CFDP1: variants seen among roughly 807,000 people sequenced by gnomAD.
CFDP1 encodes the protein heterochromatin-stabilizing protein CFDP1.
A neutral mutation model predicts 40.1 loss-of-function variants in CFDP1; 31 were observed. The observed-to-expected ratio is 0.77, with a 90% CI of 0.58 to 1.04. The LOEUF (loss-of-function observed/expected upper bound fraction) is 1.04, where lower values mean the gene tolerates loss of function less well. CFDP1 is among the 50% of genes least tolerant of loss of function. The probability of loss-of-function intolerance (pLI) is 0.00; values close to 1 mark genes in which losing one functional copy is unlikely to be tolerated. For missense variants in CFDP1, 423 were observed against 343.4 expected, an observed-to-expected ratio of 1.23 and a Z score of -1.83; for synonymous variants, 167 against 120.0, an observed-to-expected ratio of 1.39 and a Z score of -2.56.
At chr16:75,399,300 G>C (rs2079027829) in intron 4 of CFDP1, among the ~76,000 whole-genome samples, 1 of 152,094 alleles carries the variant, frequency 6.6e-6, no homozygotes, top group East Asian at 1.9e-4. Context: ...CTTAATGCAG[G>C]GTTCTGGAGT....
intron 1 of CFDP1, among the ~76,000 whole-genome samples, chr16:75,427,036 C>T (rs1453627462): frequency 1.5e-5 from 2 of 132,312 alleles, no homozygotes; most frequent in Admixed American, 8.3e-5. Flanking sequence ...GCCTGGGGGA[C>T]AGCGAGACTG....
At chr16:75,429,842 T>C (rs1234386459) in intron 1 of CFDP1, among the ~76,000 whole-genome samples, 1 of 152,206 alleles carries the variant, frequency 6.6e-6, no homozygotes, top group Admixed American at 6.5e-5. Flanking sequence ...AGTCAAACTC[T>C]TGTCAAGTAT....
At chr16:75,374,419 A>T (rs74675463) in intron 5 of CFDP1, among the ~76,000 whole-genome samples, 2,352 of 152,300 alleles carry the variant, frequency 0.015, 58 homozygotes, top group African/African-American at 0.053. Context: ...TTATATAAAT[A>T]AAAAACACTT....
intron 1 of CFDP1, among the ~76,000 whole-genome samples, chr16:75,417,013 AT>A (rs1385012959): frequency 6.6e-6 from 1 of 152,156 alleles, no homozygotes; most frequent in African/African-American, 2.4e-5. Context: ...TCTAAAAAAA[AT>A]TTTTAAACAT....
chr16:75,365,489 T>C (rs79420811), intron 5 of CFDP1, among the ~76,000 whole-genome samples: 2,065 of 152,238 alleles, frequency 0.014, 101 homozygotes, highest in Admixed American at 0.097. Context: ...TGCTTCTCCA[T>C]GGGTTATGGA....
At position 75,297,146 on chromosome 16, in the gene CFDP1, T is replaced by TTTTGTGTGTGTGTG. The variant is rs1555551779; in HGVS notation, c.810-3105_810-3104insCACACACACACAAA. Among the ~76,000 whole-genome samples the TTTTGTGTGTGTGTG allele has an allele frequency of 7.8e-4, 104 of 133,068 alleles. 1 individual carries two copies. Among genetic ancestry groups the TTTTGTGTGTGTGTG allele is most frequent in the African/African-American group, 2.6e-3 (96 of 37,302 alleles). The allele number at this position is 133,068 out of a possible 152,430, so 87.3% of individuals were successfully genotyped here. ...GCTTGGGGTTCTTGCTTCCCATTTC[T>TTTTGTGTGTGTGTG]TGTGTGTGTGTGTGTGTGTCTGTGT... On this transcript the variant is annotated intron_variant, in intron 6 of 6. Transcript: ENST00000283882.
At chr16:75,313,625 A>G (rs11866246) in intron 5 of CFDP1, among the ~76,000 whole-genome samples, 3,358 of 152,230 alleles carry the variant, frequency 0.022, 69 homozygotes, top group African/African-American at 0.054. Context: ...GCCTCCCTCC[A>G]CGCCTGGCCA....
At position 75,293,995 on chromosome 16, in the gene CFDP1, A is replaced by G; in HGVS notation, c.857T>C (p.Phe286Ser). 1 of 1,614,160 alleles carries G rather than the reference A, an allele frequency of 6.2e-7. No individual in the cohort carries two copies. The highest frequency in any genetic ancestry group is 1.3e-5 in the African/African-American group (1 of 75,040). ...CAGCCTGAGATCTCGCTCAATTTCAAACTGCCTGTGATCCACTCGGTCAAG... is the reference window on the plus strand; with the variant it reads ...CAGCCTGAGATCTCGCTCAATTTCAGACTGCCTGTGATCCACTCGGTCAAG... ...AFLDRVDHRQ[F>S]EIERDLRLSK... Residue 286 changes from phenylalanine (F) to serine (S), a missense_variant, in exon 7 of 7, where the codon TTT (phenylalanine) becomes TCT (serine). Physicochemically the swap from Phe to Ser is radical, Grantham distance 155. Transcript: ENST00000283882.
intron 5 of CFDP1, among the ~76,000 whole-genome samples, chr16:75,388,922 T>C (rs1464122769): frequency 4.3e-3 from 164 of 37,872 alleles, no homozygotes; most frequent in East Asian, 0.01. Flanking sequence ...ATTAAGGCCT[T>C]TTTTTTTTTT....
At chr16:75,362,437 T>A (rs1399854653) in intron 5 of CFDP1, among the ~76,000 whole-genome samples, 1 of 152,240 alleles carries the variant, frequency 6.6e-6, no homozygotes, top group African/African-American at 2.4e-5. Context: ...TGTTCTGGGT[T>A]TTCCTGGACA....
At chr16:75,411,729 T>C (rs557908151) in intron 4 of CFDP1, 96 bp downstream of exon 4, 47 of 1,231,062 alleles carry the variant, frequency 3.8e-5, no homozygotes, top group South Asian at 6.7e-5. Flanking sequence ...CAAAATATTA[T>C]GATGGATTGA....
At chr16:75,309,871 C>T (rs1006412329) in intron 5 of CFDP1, among the ~76,000 whole-genome samples, 2 of 140,610 alleles carry the variant, frequency 1.4e-5, no homozygotes, top group Non-Finnish European at 3.1e-5. Context: ...ACCAACAGAA[C>T]CACTGGTTTC....
intron 5 of CFDP1, among the ~76,000 whole-genome samples, chr16:75,317,512 G>T (rs2078331500): frequency 6.6e-6 from 1 of 152,196 alleles, no homozygotes; most frequent in African/African-American, 2.4e-5. Flanking sequence ...TCTGCCTGGG[G>T]AGGAGATGCT....
intron 5 of CFDP1, among the ~76,000 whole-genome samples, chr16:75,390,555 ACT>A (rs1028439032): frequency 4.6e-5 from 7 of 151,766 alleles, no homozygotes; most frequent in African/African-American, 1.2e-4. Context: ...GGAGTTGAGC[ACT>A]CTCTCTCTCC....
intron 5 of CFDP1, among the ~76,000 whole-genome samples, chr16:75,361,241 C>T (rs1015485056): frequency 1.3e-5 from 2 of 152,132 alleles, no homozygotes; most frequent in Admixed American, 6.5e-5. Flanking sequence ...GATCTTCTGG[C>T]CTCAAGTGAT....
rs919598618 is a variant in CFDP1, at chr16:75,433,154, G to A, written c.64+135C>T. 22 of 779,236 alleles carry A rather than the reference G, an allele frequency of 2.8e-5. No homozygotes were observed. The African/African-American group carries it at 3.2e-4, about 11-fold the overall frequency. 48.3% of individuals were successfully genotyped at this position (779,236 alleles called of 1,614,324 possible). A position where few individuals can be genotyped will look rare whatever the true frequency, so the allele number is the denominator to read the frequency against. ...GAGCGGCCGAGGATGAGGGGCCTGA[G>A]GGAGCGGACGCTCGAGAACAGGAGC... On this transcript the variant is annotated intron_variant, in intron 1 of 6. Transcript: ENST00000283882.
chr16:75,400,483 T>C (rs976057481), intron 4 of CFDP1, among the ~76,000 whole-genome samples: 12 of 152,082 alleles, frequency 7.9e-5, no homozygotes, highest in African/African-American at 2.9e-4. Context: ...AGGAAAGGAA[T>C]AGGGCTAAAA....
intron 5 of CFDP1, among the ~76,000 whole-genome samples, chr16:75,383,676 G>A (rs554892887): frequency 1.4e-4 from 21 of 152,054 alleles, no homozygotes; most frequent in African/African-American, 4.6e-4. Context: ...AAAATTAGCC[G>A]GGCATGGTGG....
chr16:75,348,227 C>G (rs984256000), intron 5 of CFDP1, among the ~76,000 whole-genome samples: 1 of 152,158 alleles, frequency 6.6e-6, no homozygotes, highest in South Asian at 2.1e-4. Context: ...AACTTCTGGC[C>G]TCAAGCAGTC....
Sources: gnomAD v4.1 joint callset for allele counts (sites outside exome capture counted in the v4.1 genomes callset) on GRCh38, gnomAD v4.1.1 for gene constraint, MANE v1.5 for transcripts, NCBI Gene and HGNC (gene_info 2026-07-23, HGNC 2026-07-21) for gene names.